The following USP9X variants were observed in gnomAD, a reference collection of about 807,000 sequenced individuals.
The protein encoded by USP9X is ubiquitin specific peptidase 9 X-linked, also known as ubiquitin carboxyl-terminal hydrolase 9X.
Under a neutral mutation model 190.3 loss-of-function variants are expected in USP9X, and 7 were observed. That is an observed-to-expected ratio of 0.04 (90% confidence interval 0.02 to 0.07). USP9X has a LOEUF of 0.07. Ranked by LOEUF, USP9X falls within the 10% of genes least tolerant of loss-of-function variation. The pLI is 1.00. For synonymous variants in USP9X, 645 were observed against 659.5 expected, an observed-to-expected ratio of 0.98 and a Z score of 0.34; for missense variants, 1,010 against 1,916.9, an observed-to-expected ratio of 0.53 and a Z score of 8.83.
chrX:41,122,305 G>C (rs1385893720), intron 1 of USP9X, among the ~76,000 whole-genome samples: 3 of 111,510 alleles, frequency 2.7e-5, no homozygotes, highest in Non-Finnish European at 5.6e-5. Flanking sequence ...TCTCCAAAGC[G>C]TCAAAGTTTA....
chrX:41,191,048 C>A (rs921456124), intron 26 of USP9X, among the ~76,000 whole-genome samples: 1 of 111,284 alleles, frequency 9.0e-6, no homozygotes, highest in Admixed American at 9.6e-5. Context: ...AATCCCCAGG[C>A]CGGGCACGGT....
chrX:41,185,788 C>G (rs1003060086), intron 23 of USP9X, among the ~76,000 whole-genome samples: 4 of 111,011 alleles, frequency 3.6e-5, no homozygotes, highest in Non-Finnish European at 7.5e-5. Flanking sequence ...TTTCCACTTT[C>G]ACCTTTCTTC....
At chrX:41,157,086 A>G (rs192000298) in intron 14 of USP9X, among the ~76,000 whole-genome samples, 1 of 111,969 alleles carries the variant, frequency 8.9e-6, no homozygotes, top group East Asian at 2.8e-4. Flanking sequence ...CTTCATGTCA[A>G]TCCGTCAGCA....
chrX:41,125,643 A>AACACACACACACAC lies in USP9X; in HGVS notation c.96+1948_96+1961dup, dbSNP rs748348083. Among the ~76,000 whole-genome samples, 79 of 27,677 alleles carry AACACACACACACAC rather than the reference A, an allele frequency of 2.9e-3. 3 individuals are homozygous for AACACACACACACAC. The highest frequency in any genetic ancestry group is 3.7e-3 in the Non-Finnish European group (57 of 15,222). The allele number at this position is 27,677 out of a possible 115,157, so 24.0% of individuals were successfully genotyped here. On this transcript the variant is annotated intron_variant, in intron 2 of 44. Coordinates refer to ENST00000378308, the MANE Select transcript of USP9X (RefSeq NM_001039591.3). Reference sequence around the variant, plus strand: ...TCCCTCCCCCCACACCCCTCCCGCCAACACACACACACACACACACACACA... The same window carrying AACACACACACACAC: ...TCCCTCCCCCCACACCCCTCCCGCCAACACACACACACACACACACACACACACACACACACACA...
Position 41,226,064 on chromosome X carries a change from A to T in USP9X, c.7061+927A>T, listed in dbSNP as rs773676818. ...CAACTTGATATTTTTGCTGCTCTGTATATGTCCACAGATGACGAAGAAAGC... is the reference window on the plus strand; with the variant it reads ...CAACTTGATATTTTTGCTGCTCTGTTTATGTCCACAGATGACGAAGAAAGC... On this transcript the variant is annotated intron_variant, in intron 41 of 44. Coordinates refer to ENST00000378308, the MANE Select transcript of USP9X (RefSeq NM_001039591.3). Among the ~76,000 whole-genome samples, 5 of 112,290 alleles carry T rather than the reference A, an allele frequency of 4.5e-5. No individual in the cohort carries two copies. In the South Asian group the frequency reaches 1.8e-3, roughly 41 times the overall value.
rs1013790580 is a variant in USP9X at position 41,181,277 on chromosome X, T to C, written c.3149-2721T>C. Among the ~76,000 whole-genome samples, 8 of 100,137 alleles carry C rather than the reference T, an allele frequency of 8.0e-5. No individual in the cohort carries two copies. In the East Asian group the frequency reaches 1.3e-3, roughly 16 times the overall value. The allele number at this position is 100,137 out of a possible 115,157, so 87.0% of individuals were successfully genotyped here. Reference sequence around the variant, plus strand: ...TTAAATGCTATTTCTCATTTCTTTTTTTTTTTTTTTTTTTTTAAAGAGAGA... The same window carrying C: ...TTAAATGCTATTTCTCATTTCTTTTCTTTTTTTTTTTTTTTTAAAGAGAGA... On this transcript the variant is annotated intron_variant, in intron 21 of 44. Transcript: ENST00000378308.
intron 1 of USP9X, among the ~76,000 whole-genome samples, chrX:41,108,826 G>A (rs1159064136): frequency 9.0e-6 from 1 of 111,172 alleles, no homozygotes; most frequent in African/African-American, 3.3e-5. Context: ...TGGGGTGGGG[G>A]CCATTAGGAC....
intron 32 of USP9X, among the ~76,000 whole-genome samples, chrX:41,208,103 G>A (rs766761586): frequency 3.3e-4 from 35 of 106,263 alleles, no homozygotes; most frequent in Middle Eastern, 4.7e-3. Flanking sequence ...GTGTGATCTC[G>A]GCTCACGGTA....
chrX:41,214,520 A>G, intron 33 of USP9X, 48 bp from the exon 34 acceptor site: 2 of 1,095,783 alleles, frequency 1.8e-6, no homozygotes, highest in South Asian at 4.6e-5. Flanking sequence ...CCATAACTAA[A>G]ATGTTTACAA....
chrX:41,102,180 AAATAT>A (rs947061537), intron 1 of USP9X, among the ~76,000 whole-genome samples: 1 of 112,180 alleles, frequency 8.9e-6, no homozygotes, highest in African/African-American at 3.2e-5. Flanking sequence ...TAAAAAACTT[AAATAT>A]AATTTATAAT....
chrX:41,107,662 T>C (rs2062080492), intron 1 of USP9X, among the ~76,000 whole-genome samples: 1 of 112,060 alleles, frequency 8.9e-6, no homozygotes, highest in African/African-American at 3.2e-5. Context: ...ATTATGCATA[T>C]GTTGGTTTGC....
At chrX:41,207,276 G>C (rs2063109940) in intron 32 of USP9X, among the ~76,000 whole-genome samples, 1 of 108,304 alleles carries the variant, frequency 9.2e-6, no homozygotes, top group Non-Finnish European at 1.9e-5. Flanking sequence ...GTAGAGATAG[G>C]GTTTCGCCGT....
intron 1 of USP9X, 76 bp from the exon 2 acceptor site, chrX:41,123,395 T>C: frequency 2.8e-6 from 1 of 361,489 alleles, no homozygotes. Flanking sequence ...TCACTGGTGA[T>C]ACTAAATTCG....
rs1336782801 is a variant in USP9X at position 41,166,134 on chromosome X, C to A, written c.2248C>A (p.Arg750=). Residue 750 remains arginine, a synonymous_variant, in exon 16 of 45, where the codon CGA becomes AGA. Coordinates refer to ENST00000378308, the MANE Select transcript of USP9X (RefSeq NM_001039591.3). ...GCGATTCTTCAAAGCTGTGAATTGT[C>A]GAGAAGGAAAACTAGTAGCAAAAAG... The part of the protein sequence containing the change: ...FERFFKAVNC[R]EGKLVAKRRA... 2.5e-6 allele frequency: 3 copies of A among 1,209,756 alleles called. No individual in the cohort carries two copies. Among genetic ancestry groups the A allele is most frequent in the Non-Finnish European group, 3.4e-6 (3 of 894,613 alleles).
intron 32 of USP9X, among the ~76,000 whole-genome samples, chrX:41,207,213 C>G (rs1196556206): frequency 9.6e-6 from 1 of 104,706 alleles, no homozygotes; most frequent in Admixed American, 1.1e-4. Context: ...CTCAGCCTCT[C>G]AAGTAGCTAG....
In USP9X at chrX:41,160,014, GT is replaced by G. The variant is rs757457702; in HGVS notation, c.1898-2766del. Among the ~76,000 whole-genome samples the G allele has an allele frequency of 3.6e-3, 365 of 100,504 alleles. 1 individual carries two copies. The highest frequency in any genetic ancestry group is 9.7e-3 in the Middle Eastern group (2 of 207). The allele number at this position is 100,504 out of a possible 115,157, so 87.3% of individuals were successfully genotyped here. On this transcript the variant is annotated intron_variant, in intron 14 of 44. Coordinates refer to ENST00000378308, the MANE Select transcript of USP9X (RefSeq NM_001039591.3). ...ATTTTATGGTACTTTATGACTCGAT[GT>G]TTTTTTTTTAAATGAACTTTTAAAA...
At chrX:41,217,409 T>C (rs894875133) in intron 36 of USP9X, 66 bp downstream of exon 36, 1 of 1,078,135 alleles carries the variant, frequency 9.3e-7, no homozygotes, top group African/African-American at 1.9e-5. Flanking sequence ...ATAGATTGCT[T>C]TATGTTTTTC....
At chrX:41,114,988 C>G (rs1220968514) in intron 1 of USP9X, among the ~76,000 whole-genome samples, 1 of 108,524 alleles carries the variant, frequency 9.2e-6, no homozygotes, top group African/African-American at 3.3e-5. Context: ...TTTGAGAGGC[C>G]GAGGCGGGTG....
chrX:41,146,862 C>A lies in USP9X; in HGVS notation c.1420-1507C>A, dbSNP rs190381549. The stretch of plus-strand genomic sequence containing the variant: ...TGGTTGTACTGGTTGAATAGATGTT[C>A]TTAATTTCTCCTTTTCATGTAGTTT... On this transcript the variant is annotated intron_variant, in intron 11 of 44. Transcript: ENST00000378308. 8.4e-3 allele frequency among the ~76,000 whole-genome samples: 918 copies of A among 109,441 alleles called. 6 individuals are homozygous for A. Among genetic ancestry groups the A allele is most frequent in the Non-Finnish European group, 0.013 (689 of 52,552 alleles).
Sources: allele counts gnomAD v4.1 joint callset (sites outside exome capture counted in the v4.1 genomes callset), GRCh38; gene constraint gnomAD v4.1.1; transcripts MANE v1.5; gene names NCBI Gene and HGNC (gene_info 2026-07-23, HGNC 2026-07-21).